Variants in FRMPD2 observed in about 807,000 individuals in gnomAD.
FRMPD2 encodes the protein FERM and PDZ domain containing 2.
FRMPD2 carries 96 observed loss-of-function variants against 140.1 expected under a neutral mutation model. The observed-to-expected ratio is 0.69, with a 90% CI of 0.58 to 0.81. FRMPD2 has a LOEUF of 0.81. Ranked by LOEUF, FRMPD2 falls within the 40% of genes least tolerant of loss-of-function variation. The pLI, the probability that FRMPD2 is intolerant of heterozygous loss-of-function variation, is 0.00. For synonymous variants in FRMPD2, 449 were observed against 547.6 expected, an observed-to-expected ratio of 0.82 and a Z score of 2.52; for missense variants, 1,240 against 1,447.4, an observed-to-expected ratio of 0.86 and a Z score of 2.32.
chr10:48,272,169 T>C (rs148447827), intron 1 of FRMPD2, among the ~76,000 whole-genome samples: 2 of 151,548 alleles, frequency 1.3e-5, no homozygotes, highest in East Asian at 3.9e-4. Flanking sequence ...GACAGCTTCA[T>C]CCCCAGAGAG....
chr10:48,191,323 C>A (rs987752330), intron 16 of FRMPD2, among the ~76,000 whole-genome samples: 3 of 152,156 alleles, frequency 2.0e-5, no homozygotes, highest in Admixed American at 6.5e-5. Flanking sequence ...TGCTGGACCC[C>A]AGACAATACC....
At chr10:48,262,941 C>G (rs1840619144) in intron 1 of FRMPD2, among the ~76,000 whole-genome samples, 1 of 151,722 alleles carries the variant, frequency 6.6e-6, no homozygotes, top group South Asian at 2.1e-4. Context: ...AGAAATCATA[C>G]AAAGTATGAT....
chr10:48,206,383 C>T (rs1282861293), intron 14 of FRMPD2, among the ~76,000 whole-genome samples: 1 of 152,176 alleles, frequency 6.6e-6, no homozygotes, highest in Non-Finnish European at 1.5e-5. Flanking sequence ...ACCTAAACTA[C>T]ACTCTCAACC....
At position 48,244,777 on chromosome 10, in the gene FRMPD2, T is replaced by C. The variant is rs764491952; in HGVS notation, c.375+7A>G. On this transcript the variant is annotated splice_region_variant and intron_variant, in intron 4 of 28. Transcript: ENST00000374201. Reference sequence around the variant, plus strand: ...CCGGCAAGACTTGGAGTATCTTGTTTACAAACCTGATGTGGCGGAACATGA... The same window carrying C: ...CCGGCAAGACTTGGAGTATCTTGTTCACAAACCTGATGTGGCGGAACATGA... The C allele has an allele frequency of 6.2e-7, 1 of 1,610,730 alleles. No individual in the cohort carries two copies. Among genetic ancestry groups the C allele is most frequent in the South Asian group, 1.1e-5 (1 of 91,008 alleles).
At chr10:48,242,462 C>G in intron 4 of FRMPD2, 110 bp from the exon 5 acceptor site, 1 of 915,110 alleles carries the variant, frequency 1.1e-6, no homozygotes, top group Non-Finnish European at 1.7e-6. Flanking sequence ...TTCCCACAAG[C>G]ACCAGAGCAG....
intron 12 of FRMPD2, among the ~76,000 whole-genome samples, chr10:48,221,478 G>T (rs1273254037): frequency 1.3e-5 from 2 of 152,184 alleles, no homozygotes; most frequent in Non-Finnish European, 2.9e-5. Context: ...CATGTTGGGT[G>T]CAGTGTACAC....
chr10:48,252,486 G>A (rs1295771592), intron 1 of FRMPD2, among the ~76,000 whole-genome samples: 19 of 152,224 alleles, frequency 1.2e-4, no homozygotes, highest in African/African-American at 4.6e-4. Flanking sequence ...GCTCAAGCAG[G>A]GCGGGTGTGC....
At chr10:48,261,566 A>T (rs2131981810) in intron 1 of FRMPD2, among the ~76,000 whole-genome samples, 1 of 152,294 alleles carries the variant, frequency 6.6e-6, no homozygotes, top group South Asian at 2.1e-4. Context: ...GTTAACATTC[A>T]AAGTGAAAAG....
At chr10:48,267,005 C>T (rs1191461916) in intron 1 of FRMPD2, among the ~76,000 whole-genome samples, 1 of 151,082 alleles carries the variant, frequency 6.6e-6, no homozygotes, top group East Asian at 1.9e-4. Flanking sequence ...TCAAGAGAGA[C>T]TGAGTGGGGG....
intron 1 of FRMPD2, among the ~76,000 whole-genome samples, 190 bp downstream of exon 1, chr10:48,274,353 C>A (rs1268187998): frequency 6.6e-6 from 1 of 152,160 alleles, no homozygotes; most frequent in Non-Finnish European, 1.5e-5. Flanking sequence ...TGCTAAAAAA[C>A]AAATACAATG....
intron 13 of FRMPD2, among the ~76,000 whole-genome samples, chr10:48,208,383 G>A (rs1839247771): frequency 6.6e-6 from 1 of 152,058 alleles, no homozygotes; most frequent in Non-Finnish European, 1.5e-5. Flanking sequence ...AGTTCTCTGG[G>A]CCTCAAGATT....
intron 16 of FRMPD2, among the ~76,000 whole-genome samples, chr10:48,188,980 A>G (rs1838762232): frequency 1.3e-5 from 2 of 152,322 alleles, no homozygotes; most frequent in South Asian, 4.1e-4. Context: ...CAATTTGGGA[A>G]GACGGACAGA....
At chr10:48,253,130 C>A (rs545922557) in intron 1 of FRMPD2, among the ~76,000 whole-genome samples, 227 of 152,218 alleles carry the variant, frequency 1.5e-3, no homozygotes, top group African/African-American at 5.2e-3. Context: ...TGCTTTATGA[C>A]TAGACAAAAA....
chr10:48,229,661 G>A (rs934245337), intron 10 of FRMPD2, among the ~76,000 whole-genome samples: 1 of 152,102 alleles, frequency 6.6e-6, no homozygotes, highest in Non-Finnish European at 1.5e-5. Context: ...ATTCCGATAT[G>A]TCTTAGTATA....
In FRMPD2 at chr10:48,239,526, G is replaced by A. The variant is rs1181225777; in HGVS notation, c.788+79C>T. Reference sequence around the variant, plus strand: ...GCAAGAGGCTTCTTACTAATAATCAGTAAAGAAATAAGGTACCATAGCCCC... The same window carrying A: ...GCAAGAGGCTTCTTACTAATAATCAATAAAGAAATAAGGTACCATAGCCCC... On this transcript the variant is annotated intron_variant, in intron 7 of 28. Transcript: ENST00000374201. 8 of 972,396 alleles carry A rather than the reference G, an allele frequency of 8.2e-6. No homozygotes were observed. In the African/African-American group the frequency reaches 1.3e-4, roughly 16 times the overall value. The allele number at this position is 972,396 out of a possible 1,614,324, so 60.2% of individuals were successfully genotyped here.
At chr10:48,178,305 C>A (rs376926926) in intron 21 of FRMPD2, among the ~76,000 whole-genome samples, 154 bp from the exon 22 acceptor site, 3 of 152,130 alleles carry the variant, frequency 2.0e-5, no homozygotes, top group South Asian at 4.1e-4. Flanking sequence ...CTTTATCAGG[C>A]CTTCTGCATG....
At chr10:48,161,257 G>A (rs1165196476) in intron 28 of FRMPD2, among the ~76,000 whole-genome samples, 8 of 150,062 alleles carry the variant, frequency 5.3e-5, no homozygotes, top group African/African-American at 1.2e-4. Context: ...TGGGACTCTC[G>A]TGTGGCTCTA....
chr10:48,240,209 C>G (rs1018186292), intron 6 of FRMPD2, 151 bp downstream of exon 6: 1 of 789,532 alleles, frequency 1.3e-6, no homozygotes, highest in African/African-American at 1.7e-5. Context: ...GTCCTAAGCT[C>G]AGCCCCTTCT....
intron 15 of FRMPD2, among the ~76,000 whole-genome samples, chr10:48,195,621 C>T (rs933655415): frequency 4.6e-5 from 7 of 152,184 alleles, no homozygotes; most frequent in Non-Finnish European, 5.9e-5. Flanking sequence ...CCAACAATTA[C>T]ACTTCTGAGA....
Sources: gnomAD v4.1 joint callset for allele counts (sites outside exome capture counted in the v4.1 genomes callset) on GRCh38, gnomAD v4.1.1 for gene constraint, MANE v1.5 for transcripts, NCBI Gene and HGNC (gene_info 2026-07-23, HGNC 2026-07-21) for gene names.